LZTS1: variants seen among roughly 807,000 people sequenced by gnomAD.
The protein encoded by LZTS1 is leucine zipper putative tumor suppressor 1.
In LZTS1, 31 loss-of-function variants were observed where a neutral mutation model predicts 45.8. The ratio of observed to expected loss-of-function variants is 0.68; its 90% confidence interval spans 0.51 to 0.91. LZTS1 has a LOEUF of 0.91. Ranked by LOEUF, LZTS1 falls within the 40% of genes least tolerant of loss-of-function variation. The probability of loss-of-function intolerance (pLI) is 0.00; values close to 1 mark genes in which losing one functional copy is unlikely to be tolerated. For synonymous variants in LZTS1, 359 were observed against 357.3 expected, an observed-to-expected ratio of 1.00 and a Z score of -0.05; for missense variants, 821 against 788.9, an observed-to-expected ratio of 1.04 and a Z score of -0.49.
chr8:20,262,770 C>G lies in LZTS1; in HGVS notation c.-134-7455G>C, dbSNP rs373209741. Among the ~76,000 whole-genome samples the G allele has an allele frequency of 5.3e-5, 8 of 152,210 alleles. No homozygotes were observed. The South Asian group carries it at 1.7e-3, about 32-fold the overall frequency. Reference sequence around the variant, plus strand: ...GAGGCGAGCAATGCTGTTAAACATCCTACAATGAATGCACATGACAGCCCC... The same window carrying G: ...GAGGCGAGCAATGCTGTTAAACATCGTACAATGAATGCACATGACAGCCCC... On this transcript the variant is annotated intron_variant, in intron 1 of 3. Transcript: ENST00000381569.
At position 20,250,006 on chromosome 8, in the gene LZTS1, C is replaced by T. The variant is rs767915988; in HGVS notation, c.1507G>A (p.Glu503Lys). The change falls in exon 4 of 4, where the codon GAG becomes AAG. Residue 503 changes from glutamate to lysine, a missense_variant. Physicochemically the swap from Glu to Lys is moderately conservative, Grantham distance 56. Coordinates refer to ENST00000381569, the MANE Select transcript of LZTS1 (RefSeq NM_021020.5). ...AGCTCGGCCCGCAGCCGCTCCAGCT[C>T]CCGCTGCAGGGCAGGGACGTCCTCG... is the stretch of plus-strand genomic sequence containing the variant. ...FPEDVPALQR[E>K]LERLRAELRE... The T allele has an allele frequency of 3.7e-6, 6 of 1,612,952 alleles. No homozygotes were observed. Among genetic ancestry groups the T allele is most frequent in the Non-Finnish European group, 5.1e-6 (6 of 1,179,764 alleles).
At chr8:20,286,198 A>G (rs1800788838) in intron 1 of LZTS1, among the ~76,000 whole-genome samples, 1 of 152,226 alleles carries the variant, frequency 6.6e-6, no homozygotes, top group African/African-American at 2.4e-5. Context: ...TGGAATGAAA[A>G]GGCATGCCAT....
At chr8:20,273,376 C>T (rs1449692452) in intron 1 of LZTS1, among the ~76,000 whole-genome samples, 2 of 152,126 alleles carry the variant, frequency 1.3e-5, no homozygotes, top group Non-Finnish European at 1.5e-5. Context: ...ATTTTTAGAT[C>T]GTTATCTGCA....
At position 20,249,755 on chromosome 8, in the gene LZTS1, G is replaced by A. The variant is rs554307692; in HGVS notation, c.1758C>T (p.Ile586=). The A allele has an allele frequency of 3.7e-6, 6 of 1,611,642 alleles. No individual in the cohort carries two copies. The Middle Eastern group carries it at 6.6e-4, about 177-fold the overall frequency. The part of the protein sequence containing the change: ...PLEVDLEGAD[I]PYEDIIATEI Reference sequence around the variant, plus strand: ...CAGTGGCTATGATGTCCTCGTAGGGGATGTCAGCCCCTTCCAGGTCAACCT... The same window carrying A: ...CAGTGGCTATGATGTCCTCGTAGGGAATGTCAGCCCCTTCCAGGTCAACCT... The change falls in exon 4 of 4, where the codon ATC becomes ATT. Residue 586 remains isoleucine, a synonymous_variant. Coordinates refer to ENST00000381569, the MANE Select transcript of LZTS1 (RefSeq NM_021020.5).
chr8:20,263,842 C>T (rs1365008602), intron 1 of LZTS1, among the ~76,000 whole-genome samples: 2 of 152,164 alleles, frequency 1.3e-5, no homozygotes, highest in Non-Finnish European at 1.5e-5. Context: ...ATCGGACACC[C>T]CACAGGGCAG....
intron 1 of LZTS1, among the ~76,000 whole-genome samples, chr8:20,296,771 A>G (rs573593310): frequency 3.7e-4 from 57 of 152,270 alleles, no homozygotes; most frequent in Non-Finnish European, 6.8e-4. Context: ...AGGCAGCCCT[A>G]TCTTCTCCCA....
At chr8:20,261,395 C>T (rs1800225386) in intron 1 of LZTS1, among the ~76,000 whole-genome samples, 1 of 152,182 alleles carries the variant, frequency 6.6e-6, no homozygotes, top group African/African-American at 2.4e-5. Flanking sequence ...CCCTCACACC[C>T]CTCCCTGACA....
chr8:20,268,647 C>G (rs895723864), intron 1 of LZTS1, among the ~76,000 whole-genome samples: 2 of 151,136 alleles, frequency 1.3e-5, no homozygotes, highest in African/African-American at 2.4e-5. Flanking sequence ...GAGCAAAGCT[C>G]GATACAGATT....
intron 1 of LZTS1, among the ~76,000 whole-genome samples, chr8:20,297,778 G>A (rs575807528): frequency 3.3e-5 from 5 of 152,264 alleles, no homozygotes; most frequent in African/African-American, 1.2e-4. Context: ...AAAGGGAGAT[G>A]GGGGGTGAAG....
At chr8:20,275,284 C>T (rs1202653318) in intron 1 of LZTS1, among the ~76,000 whole-genome samples, 56 of 151,626 alleles carry the variant, frequency 3.7e-4, no homozygotes. Flanking sequence ...CAGCTGTAAT[C>T]CCAGCTACTT....
In LZTS1 at chr8:20,283,252, G is replaced by A. The variant is rs564553232; in HGVS notation, c.-135+20488C>T. 1.3e-4 allele frequency among the ~76,000 whole-genome samples: 20 copies of A among 152,306 alleles called. No homozygotes were observed. The South Asian group carries it at 2.3e-3, about 17-fold the overall frequency. On this transcript the variant is annotated intron_variant, in intron 1 of 3. Coordinates refer to ENST00000381569, the MANE Select transcript of LZTS1 (RefSeq NM_021020.5). ...GTCGAAACTTAGTGACCAATGTGAC[G>A]GTATTAGGAGGTAGGGCCTTTGGGA...
chr8:20,286,804 C>T (rs1017732446), intron 1 of LZTS1, among the ~76,000 whole-genome samples: 6 of 152,132 alleles, frequency 3.9e-5, no homozygotes, highest in African/African-American at 7.2e-5. Context: ...GCAACGGGCA[C>T]GAATGACAGC....
intron 1 of LZTS1, among the ~76,000 whole-genome samples, chr8:20,274,551 T>C (rs1371192067): frequency 1.3e-5 from 2 of 152,114 alleles, no homozygotes; most frequent in Non-Finnish European, 2.9e-5. Context: ...CGTGTTGGAG[T>C]CTGTGGGCCT....
intron 1 of LZTS1, among the ~76,000 whole-genome samples, chr8:20,262,606 C>T (rs576526517): frequency 1.3e-5 from 2 of 152,208 alleles, no homozygotes; most frequent in East Asian, 3.9e-4. Context: ...ACAGCATGTG[C>T]AAAGAAAGGT....
chr8:20,301,964 CCA>C (rs1161487561), intron 1 of LZTS1, among the ~76,000 whole-genome samples: 2 of 152,104 alleles, frequency 1.3e-5, no homozygotes, highest in Non-Finnish European at 1.5e-5. Context: ...ATATAGACAC[CCA>C]CAGAGATGCC....
chr8:20,254,436 G>A (rs1242103027), intron 2 of LZTS1, among the ~76,000 whole-genome samples: 1 of 152,206 alleles, frequency 6.6e-6, no homozygotes, highest in Non-Finnish European at 1.5e-5. Context: ...CCCGGGGAGA[G>A]AAGCGGTTAA....
At position 20,299,027 on chromosome 8, in the gene LZTS1, C is replaced by A. The variant is rs145017636; in HGVS notation, c.-135+4713G>T. Among the ~76,000 whole-genome samples, 269 of 152,308 alleles carry A rather than the reference C, an allele frequency of 1.8e-3. 2 individuals are homozygous for A. Among genetic ancestry groups the A allele is most frequent in the Non-Finnish European group, 3.4e-3 (229 of 68,022 alleles). ...ACACATCCCCATCAACTTCTCCAACCCTGGGAGGAGGGATCTGGAGGCTAA... is the reference window on the plus strand; with the variant it reads ...ACACATCCCCATCAACTTCTCCAACACTGGGAGGAGGGATCTGGAGGCTAA... On this transcript the variant is annotated intron_variant, in intron 1 of 3. Transcript: ENST00000381569.
intron 1 of LZTS1, among the ~76,000 whole-genome samples, chr8:20,302,725 G>C (rs1318409912): frequency 6.6e-6 from 1 of 152,208 alleles, no homozygotes; most frequent in Admixed American, 6.5e-5. Flanking sequence ...CAGCGGGACG[G>C]TGTGGAGGGA....
rs1416025603 is a variant in LZTS1 at position 20,277,351 on chromosome 8, GAAT to G, written c.-134-22039_-134-22037del. On this transcript the variant is annotated intron_variant, in intron 1 of 3. Transcript: ENST00000381569. ...CCCACCCCTTTCCCGGAAAACTCAT[GAAT>G]AATACACCCCTTTTTTTAGCATATA... is the stretch of plus-strand genomic sequence containing the variant. Among the ~76,000 whole-genome samples, 4 of 152,200 alleles carry G rather than the reference GAAT, an allele frequency of 2.6e-5. 1 individual carries two copies. Among genetic ancestry groups the G allele is most frequent in the African/African-American group, 9.7e-5 (4 of 41,446 alleles).
Sources: gnomAD v4.1 joint callset for allele counts (sites outside exome capture counted in the v4.1 genomes callset) on GRCh38, gnomAD v4.1.1 for gene constraint, MANE v1.5 for transcripts, NCBI Gene and HGNC (gene_info 2026-07-23, HGNC 2026-07-21) for gene names.